The following MYO7B variants were observed in gnomAD, a reference collection of about 807,000 sequenced individuals.
The protein encoded by MYO7B is unconventional myosin-VIIb.
MYO7B carries 212 observed loss-of-function variants against 259.7 expected under a neutral mutation model. The observed-to-expected ratio is 0.82, with a 90% CI of 0.73 to 0.91. The LOEUF (loss-of-function observed/expected upper bound fraction) is 0.91, where lower values mean the gene tolerates loss of function less well. Ranked by LOEUF, MYO7B falls within the 40% of genes least tolerant of loss-of-function variation. MYO7B has a pLI of 0.00. For missense variants in MYO7B, 2,732 were observed against 2,813.5 expected (o/e 0.97, Z 0.66); for synonymous variants, 1,197 against 1,166.4 (o/e 1.03, Z -0.54).
At chr2:127,602,011 C>A (rs2105007877) in intron 19 of MYO7B, among the ~76,000 whole-genome samples, 1 of 152,270 alleles carries the variant, frequency 6.6e-6, no homozygotes, top group East Asian at 1.9e-4. Context: ...CATGTTAGAG[C>A]TCAAGTCTGC....
chr2:127,625,342 C>T (rs755529562), intron 30 of MYO7B, 26 bp from the exon 31 acceptor site: 24 of 1,496,368 alleles, frequency 1.6e-5, no homozygotes, highest in Non-Finnish European at 2.1e-5. Context: ...TCTCACTCGC[C>T]CCCGTGGGTG....
intron 1 of MYO7B, among the ~76,000 whole-genome samples, chr2:127,538,659 A>C (rs1692886218): frequency 6.6e-6 from 1 of 151,330 alleles, no homozygotes; most frequent in African/African-American, 2.4e-5. Context: ...TCCACCTCCC[A>C]GGTTCAAGCA....
In MYO7B at chr2:127,620,235, A is replaced by G. The variant is rs543088005; in HGVS notation, c.3399-105A>G. 578 of 1,369,550 alleles carry G rather than the reference A, an allele frequency of 4.2e-4. 1 individual carries two copies. The highest frequency in any genetic ancestry group is 5.2e-4 in the Non-Finnish European group (518 of 1,002,430). The allele number at this position is 1,369,550 out of a possible 1,614,324, so 84.8% of individuals were successfully genotyped here. A position where few individuals can be genotyped will look rare whatever the true frequency, so the allele number is the denominator to read the frequency against. ...CCCCGGCGCTGGAGAGGTGCCCTGC[A>G]TATGGGACCTCTCAGAGGTGCACAA... On this transcript the variant is annotated intron_variant, in intron 26 of 47. Transcript: ENST00000409816.
intron 24 of MYO7B, among the ~76,000 whole-genome samples, 184 bp downstream of exon 24, chr2:127,610,200 A>C (rs1471966186): frequency 3.3e-5 from 5 of 152,160 alleles, no homozygotes; most frequent in African/African-American, 4.8e-5. Flanking sequence ...CATGTTCAGG[A>C]GCTCATGAAT....
chr2:127,578,162 C>G lies in MYO7B; in HGVS notation c.879C>G (p.Asn293Lys), dbSNP rs369461546. 1.2e-6 allele frequency: 2 copies of G among 1,613,712 alleles called. No homozygotes were observed. Among genetic ancestry groups the G allele is most frequent in the Admixed American group, 1.7e-5 (1 of 59,998 alleles). The part of the protein sequence containing the change: ...MGNCTSCEGL[N>K]DAKDYAHIRS... ...ACTGCACTTCCTGTGAGGGGCTCAACGACGCCAAGGACTACGCCCACATCC... is the reference window on the plus strand; with the variant it reads ...ACTGCACTTCCTGTGAGGGGCTCAAGGACGCCAAGGACTACGCCCACATCC... Residue 293 changes from asparagine (N) to lysine (K), a missense_variant, in exon 9 of 48, where the codon AAC becomes AAG. Coordinates refer to ENST00000409816, the MANE Select transcript of MYO7B (RefSeq NM_001393586.1).
intron 6 of MYO7B, among the ~76,000 whole-genome samples, chr2:127,571,205 A>G (rs2104893773): frequency 6.6e-6 from 1 of 152,290 alleles, no homozygotes; most frequent in African/African-American, 2.4e-5. Context: ...CCACCAGCAG[A>G]GCAGGAACAT....
intron 6 of MYO7B, 78 bp downstream of exon 6, chr2:127,569,988 A>T: frequency 1.3e-6 from 2 of 1,492,182 alleles, no homozygotes; most frequent in South Asian, 2.7e-5. Context: ...ATGGGGAGGG[A>T]CAGGATAGGC....
chr2:127,546,930 A>G lies in MYO7B; in HGVS notation c.-24+11099A>G, dbSNP rs1356805191. On this transcript the variant is annotated intron_variant, in intron 1 of 47. Transcript: ENST00000409816. The surrounding 1 kb of genome is among the most constrained non-coding windows in gnomAD (Gnocchi z 4.2). Reference sequence around the variant, plus strand: ...CACCCACCCACCCATTCACCCACTCATTCAACCACTAATCGACTCATCCAT... The same window carrying G: ...CACCCACCCACCCATTCACCCACTCGTTCAACCACTAATCGACTCATCCAT... Among the ~76,000 whole-genome samples the G allele has an allele frequency of 1.3e-5, 2 of 151,646 alleles. No homozygotes were observed. The highest frequency in any genetic ancestry group is 4.9e-5 in the African/African-American group (2 of 41,210).
chr2:127,606,196 C>A (rs1439276679), intron 20 of MYO7B, among the ~76,000 whole-genome samples: 2 of 152,236 alleles, frequency 1.3e-5, no homozygotes, highest in African/African-American at 4.8e-5. Context: ...AGGTGTCCTG[C>A]TCTGGAATGG....
chr2:127,538,416 G>T (rs1284111837), intron 1 of MYO7B, among the ~76,000 whole-genome samples: 2 of 152,138 alleles, frequency 1.3e-5, no homozygotes, highest in Non-Finnish European at 2.9e-5. Context: ...TTTTAATTCA[G>T]CTCATTTAAA....
chr2:127,581,801 G>A (rs1480459654), intron 10 of MYO7B, 90 bp from the exon 11 acceptor site: 50 of 1,566,128 alleles, frequency 3.2e-5, no homozygotes, highest in Non-Finnish European at 3.8e-5. Context: ...GCTTGGTCAC[G>A]AGAGGGAACA....
rs1259574816 is a variant in MYO7B at position 127,584,497 on chromosome 2, C to T, written c.1554+165C>T. Among the ~76,000 whole-genome samples the T allele has an allele frequency of 1.3e-5, 2 of 152,154 alleles. No homozygotes were observed. Among genetic ancestry groups the T allele is most frequent in the African/African-American group, 4.8e-5 (2 of 41,450 alleles). ...GTCTAACCAGACAGACCCTCCTCTCCAAGGCCCACTTCTCTGACTGCTGGG... is the reference window on the plus strand; with the variant it reads ...GTCTAACCAGACAGACCCTCCTCTCTAAGGCCCACTTCTCTGACTGCTGGG... On this transcript the variant is annotated intron_variant, in intron 13 of 47. Coordinates refer to ENST00000409816, the MANE Select transcript of MYO7B (RefSeq NM_001393586.1). This position sits in a 1 kb window ranked among gnomAD's most constrained non-coding sequence, Gnocchi z 5.8.
intron 16 of MYO7B, 128 bp from the exon 17 acceptor site, chr2:127,592,666 T>TGGGCG (rs1679602007): frequency 2.9e-6 from 3 of 1,048,668 alleles, no homozygotes; most frequent in South Asian, 3.2e-5. Flanking sequence ...ACAGTGGGGG[T>TGGGCG]GGGCGGGGCG....
At chr2:127,565,032 T>C (rs1378196655) in intron 3 of MYO7B, among the ~76,000 whole-genome samples, 2 of 152,160 alleles carry the variant, frequency 1.3e-5, no homozygotes, top group East Asian at 1.9e-4. Context: ...GACCCAGCCA[T>C]AGATGGACCG....
intron 6 of MYO7B, among the ~76,000 whole-genome samples, chr2:127,571,961 T>C (rs1678651861): frequency 6.6e-6 from 1 of 152,234 alleles, no homozygotes; most frequent in Admixed American, 6.5e-5. Flanking sequence ...GGTCATGCTT[T>C]TTTGTGTTGT....
intron 6 of MYO7B, among the ~76,000 whole-genome samples, chr2:127,573,419 C>G (rs1305047900): frequency 2.6e-5 from 4 of 152,238 alleles, no homozygotes; most frequent in Non-Finnish European, 5.9e-5. Context: ...CTGACCACTT[C>G]CGTGTGCCCT....
Position 127,607,129 on chromosome 2 carries a change from C to T in MYO7B, c.2425-77C>T. ...TAACTGTAAATCTATCTTGCACTGC[C>T]TCCTGGGGAGCACCCCTCTCTGTTT... On this transcript the variant is annotated intron_variant, in intron 20 of 47. Coordinates refer to ENST00000409816, the MANE Select transcript of MYO7B (RefSeq NM_001393586.1). The surrounding 1 kb of genome is among the most constrained non-coding windows in gnomAD (Gnocchi z 4.4). The T allele has an allele frequency of 2.9e-6, 4 of 1,375,484 alleles. No individual in the cohort carries two copies. The highest frequency in any genetic ancestry group is 3.9e-6 in the Non-Finnish European group (4 of 1,012,972). The allele number at this position is 1,375,484 out of a possible 1,614,324, so 85.2% of individuals were successfully genotyped here. A position where few individuals can be genotyped will look rare whatever the true frequency, so the allele number is the denominator to read the frequency against.
At chr2:127,592,656 A>G in intron 16 of MYO7B, 138 bp from the exon 17 acceptor site, 1 of 1,008,308 alleles carries the variant, frequency 9.9e-7, no homozygotes, top group Non-Finnish European at 1.4e-6. Flanking sequence ...TCTCTGGAGG[A>G]CAGTGGGGGT....
intron 14 of MYO7B, among the ~76,000 whole-genome samples, 178 bp from the exon 15 acceptor site, chr2:127,588,214 C>A (rs1679377032): frequency 6.6e-6 from 1 of 151,942 alleles, no homozygotes; most frequent in Non-Finnish European, 1.5e-5. Flanking sequence ...TGACTTTGTG[C>A]TGGGTAGATG....
Sources: allele counts gnomAD v4.1 joint callset (sites outside exome capture counted in the v4.1 genomes callset), GRCh38; gene constraint gnomAD v4.1.1; non-coding constraint Gnocchi (gnomAD v3.1); transcripts MANE v1.5; gene names NCBI Gene and HGNC (gene_info 2026-07-23, HGNC 2026-07-21).